The following MB21D2 variants were observed in gnomAD, a reference collection of about 807,000 sequenced individuals.
MB21D2 encodes the protein nucleotidyltransferase MB21D2.
In MB21D2, 9 loss-of-function variants were observed where a neutral mutation model predicts 33.3. The observed-to-expected ratio is 0.27, with a 90% CI of 0.16 to 0.47. The LOEUF is 0.47. MB21D2 is among the 20% of genes least tolerant of loss of function. MB21D2 has a pLI of 0.99. For synonymous variants in MB21D2, 241 were observed against 236.3 expected (o/e 1.02, Z -0.18); for missense variants, 540 against 624.6 (o/e 0.86, Z 1.44).
At chr3:192,852,166 G>A (rs1712820508) in intron 1 of MB21D2, among the ~76,000 whole-genome samples, 1 of 152,184 alleles carries the variant, frequency 6.6e-6, no homozygotes, top group Non-Finnish European at 1.5e-5. Flanking sequence ...AAAATATGGG[G>A]CGAGATGCCT....
chr3:192,806,812 A>G (rs905810711), intron 1 of MB21D2, among the ~76,000 whole-genome samples: 3 of 152,222 alleles, frequency 2.0e-5, no homozygotes, highest in African/African-American at 7.2e-5. Flanking sequence ...CTTAAAAATT[A>G]AAACTGAAGG....
chr3:192,869,238 AGAGT>A (rs1434110392), intron 1 of MB21D2, among the ~76,000 whole-genome samples: 2 of 145,778 alleles, frequency 1.4e-5, no homozygotes, highest in Admixed American at 6.9e-5. Flanking sequence ...CCTCGGCGAC[AGAGT>A]GAGACTCCAT....
At chr3:192,819,218 C>G (rs1711992487) in intron 1 of MB21D2, among the ~76,000 whole-genome samples, 1 of 142,538 alleles carries the variant, frequency 7.0e-6, no homozygotes, top group Non-Finnish European at 1.5e-5. Context: ...TGCTAAGGCC[C>G]AGTTATATAT....
chr3:192,816,958 G>A (rs1009868409), intron 1 of MB21D2, among the ~76,000 whole-genome samples: 2 of 152,056 alleles, frequency 1.3e-5, no homozygotes, highest in Non-Finnish European at 2.9e-5. Context: ...GCTCCAAGCA[G>A]AGTTTCTGGA....
At chr3:192,829,481 G>T (rs1712266229) in intron 1 of MB21D2, among the ~76,000 whole-genome samples, 1 of 152,142 alleles carries the variant, frequency 6.6e-6, no homozygotes, top group Non-Finnish European at 1.5e-5. Flanking sequence ...GTACCATTCT[G>T]CATTCCTACC....
chr3:192,820,685 T>C (rs1446109168), intron 1 of MB21D2, among the ~76,000 whole-genome samples: 1 of 152,258 alleles, frequency 6.6e-6, no homozygotes, highest in Non-Finnish European at 1.5e-5. Flanking sequence ...TCCTCACAGA[T>C]GCTCCGCTGC....
At chr3:192,888,722 C>A (rs1035061755) in intron 1 of MB21D2, among the ~76,000 whole-genome samples, 11 of 151,528 alleles carry the variant, frequency 7.3e-5, no homozygotes, top group African/African-American at 2.2e-4. Flanking sequence ...ACTTATTTCA[C>A]CTAAAACATT....
chr3:192,889,617 G>A (rs540188146), intron 1 of MB21D2, among the ~76,000 whole-genome samples: 16 of 152,018 alleles, frequency 1.1e-4, no homozygotes, highest in Non-Finnish European at 1.9e-4. Context: ...TTTATCACAG[G>A]AAGATTTTTT....
rs150109584 is a variant in MB21D2 at position 192,827,410 on chromosome 3, C to T, written c.212-27760G>A. Among the ~76,000 whole-genome samples the T allele has an allele frequency of 1.3e-3, 195 of 152,184 alleles. 1 individual carries two copies. The highest frequency in any genetic ancestry group is 4.3e-3 in the African/African-American group (177 of 41,490). Reference sequence around the variant, plus strand: ...TGTTCCCTGGGCTGGCTCACCTCCACGACGGGAACAATGATTGTGAGGGTT... The same window carrying T: ...TGTTCCCTGGGCTGGCTCACCTCCATGACGGGAACAATGATTGTGAGGGTT... On this transcript the variant is annotated intron_variant, in intron 1 of 1. Coordinates refer to ENST00000392452, the MANE Select transcript of MB21D2 (RefSeq NM_178496.4).
chr3:192,833,159 C>T (rs926714532), intron 1 of MB21D2, among the ~76,000 whole-genome samples: 7 of 151,992 alleles, frequency 4.6e-5, no homozygotes, highest in Non-Finnish European at 1.0e-4. Flanking sequence ...TCTAGCAATT[C>T]TTCCTTCAGT....
chr3:192,849,378 C>A lies in MB21D2; in HGVS notation c.212-49728G>T, dbSNP rs12489094. ...TGTTGCCCAGGCTGGCGTGCAGTGG[C>A]GCGATCTCGGCTCACTGCAACCTCC... is the stretch of plus-strand genomic sequence containing the variant. On this transcript the variant is annotated intron_variant, in intron 1 of 1. Transcript: ENST00000392452. Among the ~76,000 whole-genome samples, 714 of 149,218 alleles carry A rather than the reference C, an allele frequency of 4.8e-3. 11 individuals are homozygous for A. Among genetic ancestry groups the A allele is most frequent in the Admixed American group, 0.033 (486 of 14,702 alleles).
At position 192,821,469 on chromosome 3, in the gene MB21D2, G is replaced by A. The variant is rs146932667; in HGVS notation, c.212-21819C>T. The stretch of plus-strand genomic sequence containing the variant: ...AGCACCTGCAGCTTTCAAACACTAT[G>A]GGATCCAGAAATGAAGGAAGCTGGG... On this transcript the variant is annotated intron_variant, in intron 1 of 1. Coordinates refer to ENST00000392452, the MANE Select transcript of MB21D2 (RefSeq NM_178496.4). Among the ~76,000 whole-genome samples, 524 of 152,230 alleles carry A rather than the reference G, an allele frequency of 3.4e-3. 3 individuals carry two copies. Among genetic ancestry groups the A allele is most frequent in the African/African-American group, 0.012 (489 of 41,530 alleles).
At chr3:192,892,237 C>T (rs375674188) in intron 1 of MB21D2, among the ~76,000 whole-genome samples, 1 of 152,328 alleles carries the variant, frequency 6.6e-6, no homozygotes, top group Admixed American at 6.5e-5. Context: ...CTTTCACACC[C>T]AGCAGGCTCA....
rs141952152 is a variant in MB21D2 at position 192,855,253 on chromosome 3, C to T, written c.212-55603G>A. On this transcript the variant is annotated intron_variant, in intron 1 of 1. Transcript: ENST00000392452. The stretch of plus-strand genomic sequence containing the variant: ...AGCTGGGATTACAGGCACCTACCAC[C>T]GCGCCTGGCTAATTTTTGTATTTTT... 9.6e-3 allele frequency among the ~76,000 whole-genome samples: 1,462 copies of T among 152,192 alleles called. 23 individuals carry two copies. The highest frequency in any genetic ancestry group is 0.033 in the African/African-American group (1,391 of 41,530).
At chr3:192,822,547 C>T (rs1245740658) in intron 1 of MB21D2, among the ~76,000 whole-genome samples, 1 of 152,220 alleles carries the variant, frequency 6.6e-6, no homozygotes, top group African/African-American at 2.4e-5. Flanking sequence ...GGAAGTGCTA[C>T]TGGGGACCAC....
At chr3:192,906,307 A>T (rs1316322646) in intron 1 of MB21D2, among the ~76,000 whole-genome samples, 1 of 152,148 alleles carries the variant, frequency 6.6e-6, no homozygotes, top group Non-Finnish European at 1.5e-5. Context: ...GTCTAGCAAA[A>T]GTGTGGTCCC....
intron 1 of MB21D2, among the ~76,000 whole-genome samples, chr3:192,910,894 A>T (rs1714337240): frequency 6.6e-6 from 1 of 152,248 alleles, no homozygotes. Flanking sequence ...CAGAGCTGGT[A>T]CAAGAACTCA....
intron 1 of MB21D2, among the ~76,000 whole-genome samples, chr3:192,864,038 AG>A (rs1480536144): frequency 6.6e-6 from 1 of 152,208 alleles, no homozygotes; most frequent in Non-Finnish European, 1.5e-5. Context: ...TTACATCAGT[AG>A]TGGATGCTGT....
At chr3:192,812,018 CTTTT>C (rs992554472) in intron 1 of MB21D2, among the ~76,000 whole-genome samples, 7 of 151,906 alleles carry the variant, frequency 4.6e-5, no homozygotes, top group African/African-American at 7.3e-5. Flanking sequence ...TCCGTACTTT[CTTTT>C]GTGTGTGTGC....
Sources: gnomAD v4.1 joint callset for allele counts (sites outside exome capture counted in the v4.1 genomes callset) on GRCh38, gnomAD v4.1.1 for gene constraint, MANE v1.5 for transcripts, NCBI Gene and HGNC (gene_info 2026-07-23, HGNC 2026-07-21) for gene names.